SGCZ: variants seen among roughly 807,000 people sequenced by gnomAD.
The protein encoded by SGCZ is zeta-sarcoglycan.
In SGCZ, 40 loss-of-function variants were observed where a neutral mutation model predicts 41.3. That is an observed-to-expected ratio of 0.97 (90% CI 0.75 to 1.26). The LOEUF (loss-of-function observed/expected upper bound fraction) is 1.26. Ranked by LOEUF, SGCZ falls within the 50% of genes most tolerant of loss-of-function variation. The pLI, the probability that SGCZ is intolerant of heterozygous loss-of-function variation, is 0.00. For missense variants in SGCZ, 552 were observed against 369.8 expected, an observed-to-expected ratio of 1.49 and a Z score of -4.04; for synonymous variants, 206 against 137.5, an observed-to-expected ratio of 1.50 and a Z score of -3.49.
chr8:15,224,264 C>T (rs576455448), intron 1 of SGCZ, among the ~76,000 whole-genome samples: 49 of 152,082 alleles, frequency 3.2e-4, no homozygotes, highest in Non-Finnish European at 5.9e-4. Context: ...AAAATACCAA[C>T]CTGGATAATT....
chr8:15,187,028 G>T (rs900881752), intron 1 of SGCZ, among the ~76,000 whole-genome samples: 1 of 152,024 alleles, frequency 6.6e-6, no homozygotes, highest in Non-Finnish European at 1.5e-5. Context: ...AAAGCATTAC[G>T]TCCAATGATT....
intron 1 of SGCZ, among the ~76,000 whole-genome samples, chr8:14,948,296 A>C (rs1563383747): frequency 6.6e-6 from 1 of 152,166 alleles, no homozygotes; most frequent in Non-Finnish European, 1.5e-5. Context: ...AGAACTGGGT[A>C]TTCTCTCTCT....
At chr8:14,343,381 C>T (rs964074210) in intron 2 of SGCZ, among the ~76,000 whole-genome samples, 1 of 152,146 alleles carries the variant, frequency 6.6e-6, no homozygotes, top group Non-Finnish European at 1.5e-5. Flanking sequence ...AGACACTCAA[C>T]ACCAGCCTGT....
At chr8:15,129,813 A>G (rs549635279) in intron 1 of SGCZ, among the ~76,000 whole-genome samples, 1 of 151,986 alleles carries the variant, frequency 6.6e-6, no homozygotes, top group African/African-American at 2.4e-5. Flanking sequence ...CAAATGACAT[A>G]GAAAATTAGC....
At chr8:15,234,648 C>T (rs1585702661) in intron 1 of SGCZ, among the ~76,000 whole-genome samples, 1 of 152,110 alleles carries the variant, frequency 6.6e-6, no homozygotes, top group South Asian at 2.1e-4. Context: ...ATAATGGCAG[C>T]AATAGCTTAA....
At chr8:14,519,214 C>A (rs551395267) in intron 2 of SGCZ, among the ~76,000 whole-genome samples, 2 of 151,930 alleles carry the variant, frequency 1.3e-5, no homozygotes, top group East Asian at 3.9e-4. Flanking sequence ...TGATTTGATT[C>A]TTGCTGCTCT....
At chr8:14,606,324 G>T (rs903460478) in intron 1 of SGCZ, among the ~76,000 whole-genome samples, 1 of 146,656 alleles carries the variant, frequency 6.8e-6, no homozygotes, top group African/African-American at 2.4e-5. Context: ...CTCCTTATTT[G>T]GTTCCTAAAC....
chr8:14,392,233 C>T (rs1318057010), intron 2 of SGCZ, among the ~76,000 whole-genome samples: 2 of 152,178 alleles, frequency 1.3e-5, no homozygotes, highest in Non-Finnish European at 2.9e-5. Context: ...TCTATTTTCT[C>T]ATATTAGAAC....
intron 2 of SGCZ, among the ~76,000 whole-genome samples, chr8:14,462,949 T>C (rs1161523729): frequency 2.6e-5 from 4 of 151,792 alleles, no homozygotes; most frequent in African/African-American, 9.7e-5. Context: ...TCTGATGCTA[T>C]TGTAAACTTA....
chr8:14,253,476 A>T (rs1448903088), intron 3 of SGCZ, among the ~76,000 whole-genome samples: 1 of 152,132 alleles, frequency 6.6e-6, no homozygotes, highest in Non-Finnish European at 1.5e-5. Flanking sequence ...GAAACAAGTA[A>T]TCTTTATGCC....
intron 1 of SGCZ, among the ~76,000 whole-genome samples, chr8:14,732,600 G>C (rs916113715): frequency 2.6e-5 from 4 of 152,278 alleles, no homozygotes; most frequent in Non-Finnish European, 2.9e-5. Context: ...GCAAAGCATG[G>C]AAACATATGA....
At chr8:14,187,053 G>C (rs1420934844) in intron 4 of SGCZ, among the ~76,000 whole-genome samples, 2 of 152,200 alleles carry the variant, frequency 1.3e-5, no homozygotes, top group Non-Finnish European at 1.5e-5. Flanking sequence ...GTCAGGGAAA[G>C]AGAAGTCAAA....
At chr8:14,900,432 T>C (rs1395244785) in intron 1 of SGCZ, among the ~76,000 whole-genome samples, 1 of 152,076 alleles carries the variant, frequency 6.6e-6, no homozygotes, top group Non-Finnish European at 1.5e-5. Flanking sequence ...TTGGACCCAA[T>C]AGCGGTATTC....
intron 1 of SGCZ, among the ~76,000 whole-genome samples, chr8:15,071,163 T>C (rs1585533193): frequency 6.6e-6 from 1 of 152,290 alleles, no homozygotes; most frequent in East Asian, 1.9e-4. Flanking sequence ...TCTTTAGTAA[T>C]GTGGCTTAGG....
At chr8:14,961,057 G>A (rs1331006202) in intron 1 of SGCZ, among the ~76,000 whole-genome samples, 2 of 151,936 alleles carry the variant, frequency 1.3e-5, no homozygotes, top group Non-Finnish European at 2.9e-5. Context: ...TATGTGCTTA[G>A]CATTTTAACT....
intron 1 of SGCZ, among the ~76,000 whole-genome samples, chr8:14,727,045 A>G (rs959305602): frequency 2.0e-5 from 3 of 152,168 alleles, no homozygotes; most frequent in African/African-American, 4.8e-5. Context: ...GCGAGGAAAT[A>G]TTTTCAATAA....
chr8:14,298,557 C>A (rs1304085805), intron 3 of SGCZ, among the ~76,000 whole-genome samples: 1 of 151,758 alleles, frequency 6.6e-6, no homozygotes, highest in African/African-American at 2.4e-5. Flanking sequence ...TAAAAGTGAG[C>A]AAGAATATTT....
At chr8:14,318,553 AC>A (rs1801800617) in intron 3 of SGCZ, among the ~76,000 whole-genome samples, 1 of 152,060 alleles carries the variant, frequency 6.6e-6, no homozygotes, top group South Asian at 2.1e-4. Context: ...AGCAGACAGT[AC>A]ATAGAGAGTG....
chr8:14,278,274 C>A (rs984318961), intron 3 of SGCZ, among the ~76,000 whole-genome samples: 1 of 152,120 alleles, frequency 6.6e-6, no homozygotes, highest in African/African-American at 2.4e-5. Context: ...TTTGTGAGAC[C>A]TCTATGACCA....
Sources: gnomAD v4.1 joint callset for allele counts (sites outside exome capture counted in the v4.1 genomes callset) on GRCh38, gnomAD v4.1.1 for gene constraint, MANE v1.5 for transcripts, NCBI Gene and HGNC (gene_info 2026-07-23, HGNC 2026-07-21) for gene names.